Variants in NRDC observed in about 807,000 individuals in gnomAD.
NRDC encodes the protein nardilysin convertase.
Under a neutral mutation model 147.1 loss-of-function variants are expected in NRDC, and 54 were observed. That is an observed-to-expected ratio of 0.37 (90% CI 0.29 to 0.46). The LOEUF (loss-of-function observed/expected upper bound fraction) is 0.46. Ranked by LOEUF, NRDC falls within the 20% of genes least tolerant of loss-of-function variation. NRDC has a pLI of 1.00. For synonymous variants in NRDC, 440 were observed against 482.1 expected (o/e 0.91, Z 1.14); for missense variants, 1,082 against 1,370.6 (o/e 0.79, Z 3.33).
chr1:51,852,010 A>AG (rs1474202075), intron 1 of NRDC, among the ~76,000 whole-genome samples: 1 of 151,890 alleles, frequency 6.6e-6, no homozygotes, highest in Admixed American at 6.6e-5. Flanking sequence ...TCCATCTGTG[A>AG]GGGGGGCAGC....
intron 21 of NRDC, among the ~76,000 whole-genome samples, chr1:51,800,028 G>A (rs531935113): frequency 6.6e-6 from 1 of 152,278 alleles, no homozygotes; most frequent in East Asian, 1.9e-4. Flanking sequence ...AGGTTGGTGT[G>A]CGGTGGCATG....
At chr1:51,869,758 ATT>A (rs1426045829) in intron 1 of NRDC, among the ~76,000 whole-genome samples, 1 of 152,248 alleles carries the variant, frequency 6.6e-6, no homozygotes, top group African/African-American at 2.4e-5. Context: ...AATAGCTAAC[ATT>A]TGAGTGCTTA....
chr1:51,873,245 G>A (rs1683166376), intron 1 of NRDC, among the ~76,000 whole-genome samples: 2 of 152,084 alleles, frequency 1.3e-5, no homozygotes, highest in Admixed American at 1.3e-4. Context: ...CTTCTGCTCA[G>A]TATACGTGCT....
intron 20 of NRDC, among the ~76,000 whole-genome samples, chr1:51,803,406 C>T (rs943190931): frequency 6.7e-6 from 1 of 148,298 alleles, no homozygotes; most frequent in Non-Finnish European, 1.5e-5. Flanking sequence ...ACCCGGGAGG[C>T]GGAGGTTGCA....
chr1:51,844,764 G>T (rs1168913552), intron 1 of NRDC, among the ~76,000 whole-genome samples: 1 of 120,648 alleles, frequency 8.3e-6, no homozygotes, highest in Non-Finnish European at 1.7e-5. Flanking sequence ...CGGAAGGGAG[G>T]GACGGAGGGA....
chr1:51,867,782 C>T (rs573793864), intron 1 of NRDC, among the ~76,000 whole-genome samples: 131 of 152,278 alleles, frequency 8.6e-4, no homozygotes, highest in South Asian at 4.1e-3. Flanking sequence ...TCTGAGTGAG[C>T]TTACAGAATA....
rs1374919155 is a variant in NRDC, at chr1:51,840,424, TTCA to T, written c.429_431del (p.Asp143del). On this transcript the variant is annotated inframe_deletion, in exon 2 of 31. Transcript: ENST00000352171. ...CTTCTTCCTCCACCTCCTCTTCTTC[TTCA>T]TCATCTGTTGTATTTCCTGTTTTAC... 2.5e-6 allele frequency: 4 copies of T among 1,605,522 alleles called. No individual in the cohort carries two copies. The highest frequency in any genetic ancestry group is 2.7e-5 in the African/African-American group (2 of 74,870).
chr1:51,866,853 GA>G lies in NRDC; in HGVS notation c.341+11421del, dbSNP rs146709515. 9.0e-3 allele frequency among the ~76,000 whole-genome samples: 1,367 copies of G among 152,244 alleles called. 34 individuals carry two copies. In the South Asian group the frequency reaches 0.095, roughly 11 times the overall value. ...TAGTACGGTATATACATGAAATTTA[GA>G]TAGTGGTTAACACTGAAAAAAGAAG... On this transcript the variant is annotated intron_variant, in intron 1 of 30. Coordinates refer to ENST00000352171, the MANE Select transcript of NRDC (RefSeq NM_001101662.2).
intron 22 of NRDC, chr1:51,795,097 G>A: frequency 6.9e-7 from 1 of 1,446,596 alleles, no homozygotes; most frequent in Non-Finnish European, 9.2e-7. Context: ...CCATAATACA[G>A]TTTCCCAACT....
chr1:51,825,296 A>T lies in NRDC; in HGVS notation c.1027T>A (p.Phe343Ile), dbSNP rs1483017902. Reference sequence around the variant, plus strand: ...GTATTTAGTATCTTACCCCAAAAAAATTTTCCCATAGGATGTCCAGGTCTA... The same window carrying T: ...GTATTTAGTATCTTACCCCAAAAAATTTTTCCCATAGGATGTCCAGGTCTA... ...LARPGHPMGKFFWGNAETLKH... is the reference protein window; with the variant it reads ...LARPGHPMGKIFWGNAETLKH... Residue 343 changes from phenylalanine (F) to isoleucine (I), a missense_variant, in exon 6 of 31, where the codon TTT (phenylalanine) becomes ATT (isoleucine). This residue lies in a region of NRDC where 635 missense variants were observed against 923.8 expected (regional missense o/e 0.69). Coordinates refer to ENST00000352171, the MANE Select transcript of NRDC (RefSeq NM_001101662.2). The T allele has an allele frequency of 6.3e-7, 1 of 1,598,688 alleles. No homozygotes were observed. Among genetic ancestry groups the T allele is most frequent in the African/African-American group, 1.3e-5 (1 of 74,236 alleles).
At chr1:51,824,122 CTT>C (rs11341489) in intron 6 of NRDC, among the ~76,000 whole-genome samples, 88 of 131,886 alleles carry the variant, frequency 6.7e-4, no homozygotes, top group Admixed American at 9.2e-4. Flanking sequence ...TTGCCTAATT[CTT>C]TTTTTTTTTT....
At chr1:51,829,194 G>A (rs1369885163) in intron 4 of NRDC, among the ~76,000 whole-genome samples, 1 of 152,128 alleles carries the variant, frequency 6.6e-6, no homozygotes, top group African/African-American at 2.4e-5. Context: ...ATCCCAAGTA[G>A]CTGAGGCTAC....
chr1:51,789,470 G>T, intron 30 of NRDC, 37 bp from the exon 31 acceptor site: 1 of 1,608,720 alleles, frequency 6.2e-7, no homozygotes, highest in South Asian at 1.1e-5. Context: ...AAAATATGCT[G>T]ACCAGATTTA....
intron 4 of NRDC, among the ~76,000 whole-genome samples, chr1:51,830,258 TGGCC>T: frequency 6.6e-6 from 1 of 152,178 alleles, no homozygotes; most frequent in Admixed American, 6.5e-5. Context: ...CCACTGCGTC[TGGCC>T]TTTATTTCTT....
At chr1:51,824,483 G>A (rs1192773457) in intron 6 of NRDC, among the ~76,000 whole-genome samples, 1 of 152,030 alleles carries the variant, frequency 6.6e-6, no homozygotes, top group Non-Finnish European at 1.5e-5. Context: ...GTATATAACT[G>A]TACAGAAATA....
At chr1:51,855,882 T>A (rs550642540) in intron 1 of NRDC, among the ~76,000 whole-genome samples, 58 of 151,570 alleles carry the variant, frequency 3.8e-4, no homozygotes, top group African/African-American at 1.4e-3. Context: ...CAAAAAAAAA[T>A]AATAATGATA....
chr1:51,837,427 A>C lies in NRDC; in HGVS notation c.631-1215T>G, dbSNP rs1681041818. 1.0e-5 allele frequency: 14 copies of C among 1,393,358 alleles called. 1 individual carries two copies. The South Asian group carries it at 2.7e-4, about 27-fold the overall frequency. The allele number at this position is 1,393,358 out of a possible 1,614,324, so 86.3% of individuals were successfully genotyped here. A position where few individuals can be genotyped will look rare whatever the true frequency, so the allele number is the denominator to read the frequency against. On this transcript the variant is annotated intron_variant, in intron 2 of 30. Transcript: ENST00000352171. Reference sequence around the variant, plus strand: ...ATAAACTCAGTTAAAACATTGGGGAATATCCAGTTCTTCAAACCACAATCT... The same window carrying C: ...ATAAACTCAGTTAAAACATTGGGGACTATCCAGTTCTTCAAACCACAATCT...
chr1:51,833,973 T>C (rs1206940264), intron 4 of NRDC, 44 bp downstream of exon 4: 10 of 1,530,870 alleles, frequency 6.5e-6, no homozygotes, highest in Non-Finnish European at 9.0e-6. Context: ...ATTTGCAAAG[T>C]GCCATTAGAT....
chr1:51,860,663 G>A (rs1005056759), intron 1 of NRDC, among the ~76,000 whole-genome samples: 1 of 152,022 alleles, frequency 6.6e-6, no homozygotes, highest in Non-Finnish European at 1.5e-5. Context: ...CTTTTCTGGG[G>A]GTGACTTTAA....
Sources: allele counts gnomAD v4.1 joint callset (sites outside exome capture counted in the v4.1 genomes callset), GRCh38; gene constraint gnomAD v4.1.1; regional missense constraint gnomAD v4.1.1; transcripts MANE v1.5; gene names NCBI Gene and HGNC (gene_info 2026-07-23, HGNC 2026-07-21).